Variants in REV3L observed in about 807,000 individuals in gnomAD.
REV3L encodes REV3 like, DNA directed polymerase zeta catalytic subunit.
REV3L carries 69 observed loss-of-function variants against 299.4 expected under a neutral mutation model. The ratio of observed to expected loss-of-function variants is 0.23; its 90% CI spans 0.19 to 0.28. The LOEUF is 0.28. Among genes scored for constraint, REV3L ranks in the 10% least tolerant of loss-of-function variants. The probability of loss-of-function intolerance (pLI) is 1.00; values close to 1 mark genes in which losing one functional copy is unlikely to be tolerated. For synonymous variants in REV3L, 1,238 were observed against 1,271.4 expected (o/e 0.97, Z 0.56); for missense variants, 3,128 against 3,693.8 (o/e 0.85, Z 3.97).
At chr6:111,420,152 A>T (rs948058826) in intron 1 of REV3L, among the ~76,000 whole-genome samples, 1 of 152,098 alleles carries the variant, frequency 6.6e-6, no homozygotes, top group African/African-American at 2.4e-5. Flanking sequence ...GCCATTTTGG[A>T]TTCTTAAAGG....
chr6:111,406,753 A>G (rs1783669369), intron 3 of REV3L, among the ~76,000 whole-genome samples: 1 of 152,044 alleles, frequency 6.6e-6, no homozygotes, highest in Non-Finnish European at 1.5e-5. Flanking sequence ...ATAAGGATAA[A>G]CTCAATTTAG....
intron 1 of REV3L, among the ~76,000 whole-genome samples, chr6:111,469,912 T>C (rs906438695): frequency 8.5e-5 from 13 of 152,220 alleles, no homozygotes; most frequent in Admixed American, 2.6e-4. Context: ...CTGATCCAAG[T>C]AGAGAGGGGA....
chr6:111,425,390 C>T (rs1406612209), intron 1 of REV3L, among the ~76,000 whole-genome samples: 1 of 152,048 alleles, frequency 6.6e-6, no homozygotes, highest in Non-Finnish European at 1.5e-5. Context: ...ACCCGGCAGG[C>T]GGAGCTTGCA....
chr6:111,355,887 A>G (rs1778036775), intron 18 of REV3L, among the ~76,000 whole-genome samples: 2 of 152,180 alleles, frequency 1.3e-5, no homozygotes, highest in African/African-American at 4.8e-5. Flanking sequence ...ATAGATGGGA[A>G]TCTATCTAGT....
In REV3L at chr6:111,380,047, C is replaced by A; in HGVS notation, c.1389G>T (p.Met463Ile). ...TCTGGGACATCACCAAACTAAGCTC[C>A]ATTTCCTCTTTTTCAATCTGTGGTT... is the stretch of plus-strand genomic sequence containing the variant. ...ENEPQIEKEE[M>I]ELSLVMSQRW... is the part of the protein sequence containing the mutation. The change falls in exon 11 of 32, where the codon ATG (methionine) becomes ATT (isoleucine). Residue 463 changes from methionine (M) to isoleucine (I), a missense_variant. By Grantham distance (10) the Met-to-Ile change is conservative. Coordinates refer to ENST00000368802, the MANE Select transcript of REV3L (RefSeq NM_001372078.1). The A allele has an allele frequency of 6.2e-7, 1 of 1,613,976 alleles. No homozygotes were observed. Among genetic ancestry groups the A allele is most frequent in the Non-Finnish European group, 8.5e-7 (1 of 1,179,964 alleles).
At chr6:111,471,984 C>T in intron 1 of REV3L, 1 of 1,159,970 alleles carries the variant, frequency 8.6e-7, no homozygotes, top group Admixed American at 3.9e-5. Context: ...CCCTCACCCC[C>T]AATATATTAA....
intron 1 of REV3L, chr6:111,431,413 C>T (rs763969305): frequency 8.4e-5 from 83 of 992,502 alleles, no homozygotes; most frequent in Middle Eastern, 5.0e-4. Flanking sequence ...TTTGGCGTTC[C>T]GGTTAAAGTT....
At chr6:111,354,320 T>C (rs1777875933) in intron 18 of REV3L, 1 of 152,128 alleles carries the variant, frequency 6.6e-6, no homozygotes, top group African/African-American at 2.4e-5. Flanking sequence ...ACTAAGGGAG[T>C]TGGCTACGTA....
At chr6:111,461,114 T>C (rs1415704164) in intron 1 of REV3L, among the ~76,000 whole-genome samples, 1 of 152,138 alleles carries the variant, frequency 6.6e-6, no homozygotes, top group Non-Finnish European at 1.5e-5. Flanking sequence ...AAGTTAACTG[T>C]AAAACAGCCT....
At position 111,322,685 on chromosome 6, in the gene REV3L, G is replaced by A; in HGVS notation, c.8242-7C>T. On this transcript the variant is annotated splice_polypyrimidine_tract_variant and splice_region_variant and intron_variant, in intron 25 of 31. Coordinates refer to ENST00000368802, the MANE Select transcript of REV3L (RefSeq NM_001372078.1). ...GAACAATACTATCGCCAACCTGTTG[G>A]TACAAACACATTGGAAATAATTTCT... The A allele has an allele frequency of 6.2e-7, 1 of 1,606,212 alleles. No homozygotes were observed. The highest frequency in any genetic ancestry group is 8.5e-7 in the Non-Finnish European group (1 of 1,172,956).
intron 24 of REV3L, among the ~76,000 whole-genome samples, 157 bp from the exon 25 acceptor site, chr6:111,329,895 T>C (rs76681808): frequency 6.6e-6 from 1 of 152,342 alleles, no homozygotes; most frequent in East Asian, 1.9e-4. Context: ...TATAAAATCA[T>C]CACATTTTAT....
chr6:111,386,462 G>A (rs1781355542), intron 9 of REV3L, among the ~76,000 whole-genome samples: 1 of 152,094 alleles, frequency 6.6e-6, no homozygotes, highest in Non-Finnish European at 1.5e-5. Context: ...TGTTAGTGAG[G>A]ATATAGAGCC....
At chr6:111,435,653 T>C (rs1237214929) in intron 1 of REV3L, among the ~76,000 whole-genome samples, 2 of 152,186 alleles carry the variant, frequency 1.3e-5, no homozygotes, top group Non-Finnish European at 2.9e-5. Flanking sequence ...TCTCTCACCA[T>C]ATACAAAAGT....
At chr6:111,308,969 T>C in intron 30 of REV3L, among the ~76,000 whole-genome samples, 1 of 152,212 alleles carries the variant, frequency 6.6e-6, no homozygotes, top group East Asian at 1.9e-4. Context: ...TTGCAGGGTG[T>C]GCGAGAGGGA....
At chr6:111,458,630 G>A (rs79720667) in intron 1 of REV3L, among the ~76,000 whole-genome samples, 3 of 151,734 alleles carry the variant, frequency 2.0e-5, no homozygotes, top group South Asian at 2.1e-4. Flanking sequence ...GCATTTCTAC[G>A]TAACAATAAC....
intron 30 of REV3L, 128 bp from the exon 31 acceptor site, chr6:111,307,698 T>A (rs1259795631): frequency 8.5e-6 from 7 of 819,562 alleles, no homozygotes; most frequent in Non-Finnish European, 1.4e-5. Flanking sequence ...AAATGTTGAG[T>A]AGCTACTATG....
chr6:111,412,305 G>A (rs1010605331), intron 2 of REV3L: 2 of 978,908 alleles, frequency 2.0e-6, no homozygotes, highest in Non-Finnish European at 1.2e-6. Context: ...GCTGGAATGA[G>A]GAAAGGGGGA....
rs1202099746 is a variant in REV3L at position 111,444,434 on chromosome 6, TA to T, written c.140-27963del. On this transcript the variant is annotated intron_variant, in intron 1 of 31. Transcript: ENST00000368802. ...TAAAATGGCCACAAATACCACAAAT[TA>T]AAAGACAAAGACCTGAAAGAGATGT... Among the ~76,000 whole-genome samples the T allele has an allele frequency of 9.9e-5, 15 of 152,076 alleles. No homozygotes were observed. The East Asian group carries it at 2.9e-3, about 29-fold the overall frequency.
In REV3L at chr6:111,367,363, T is replaced by C; in HGVS notation, c.6425A>G (p.Asp2142Gly). 1.2e-6 allele frequency: 2 copies of C among 1,607,608 alleles called. No individual in the cohort carries two copies. The highest frequency in any genetic ancestry group is 1.7e-6 in the Non-Finnish European group (2 of 1,177,642). The stretch of plus-strand genomic sequence containing the variant: ...CTCTACTGGTGATGAGGGTCTATCA[T>C]CTCCATTTAATGCTTTGGAATCTGG... ...ISPDSKALNGDDRPSSPVEEL... is the reference protein window; with the variant it reads ...ISPDSKALNGGDRPSSPVEEL... The change falls in exon 14 of 32, where the codon GAT becomes GGT. Residue 2142 changes from aspartate to glycine, a missense_variant. This residue lies in a region of REV3L where 2,409 missense variants were observed against 2,611.8 expected (regional missense o/e 0.92). Coordinates refer to ENST00000368802, the MANE Select transcript of REV3L (RefSeq NM_001372078.1).
Sources: gnomAD v4.1 joint callset for allele counts (sites outside exome capture counted in the v4.1 genomes callset) on GRCh38, gnomAD v4.1.1 for gene constraint, gnomAD v4.1.1 regional missense constraint, MANE v1.5 for transcripts, NCBI Gene and HGNC (gene_info 2026-07-23, HGNC 2026-07-21) for gene names.